The following ASPA variants were observed in gnomAD, a reference collection of about 807,000 sequenced individuals.
The protein encoded by ASPA is ACY-2.
A neutral mutation model predicts 29.6 loss-of-function variants in ASPA; 25 were observed. That is an observed-to-expected ratio of 0.85 (90% CI 0.62 to 1.18). The LOEUF is 1.18. Among genes scored for constraint, ASPA ranks in the 50% most tolerant of loss-of-function variants. The pLI, the probability that ASPA is intolerant of heterozygous loss-of-function variation, is 0.00. For missense variants in ASPA, 333 were observed against 385.7 expected (o/e 0.86, Z 1.14); for synonymous variants, 131 against 130.3 (o/e 1.01, Z -0.04).
At chr17:3,474,628 T>C (rs1161943222), upstream of ASPA, among the ~76,000 whole-genome samples, 2 of 152,240 alleles carry the variant, frequency 1.3e-5, no homozygotes, top group Admixed American at 6.5e-5. Flanking sequence ...AGATTTGATG[T>C]GGTTATTTTG....
intron 1 of ASPA, among the ~76,000 whole-genome samples, chr17:3,480,825 G>T (rs1331346308): frequency 6.6e-6 from 1 of 152,240 alleles, no homozygotes; most frequent in African/African-American, 2.4e-5. Flanking sequence ...AACAAGGATA[G>T]CTTGGAGATT....
chr17:3,488,292 A>C lies in ASPA; in HGVS notation c.527-943A>C, dbSNP rs2073762557. On this transcript the variant is annotated intron_variant, in intron 3 of 5. Transcript: ENST00000263080. The surrounding 1 kb of genome is among the most constrained non-coding windows in gnomAD (Gnocchi z 6.1). ...AGGATGGATGCTTAACAGCCACACAAAGTAGACCTAATAGTACAGGCATCA... is the reference window on the plus strand; with the variant it reads ...AGGATGGATGCTTAACAGCCACACACAGTAGACCTAATAGTACAGGCATCA... Among the ~76,000 whole-genome samples the C allele has an allele frequency of 1.3e-5, 2 of 152,232 alleles. No homozygotes were observed.
chr17:3,501,118 C>A lies in ASPA; in HGVS notation c.*2030C>A, dbSNP rs1452611560. 6.6e-6 allele frequency: 1 copy of A among 151,614 alleles called. No homozygotes were observed. Among genetic ancestry groups the A allele is most frequent in the African/African-American group, 2.4e-5 (1 of 41,202 alleles). 9.4% of individuals were successfully genotyped at this position (151,614 alleles called of 1,614,324 possible). On this transcript the variant is annotated 3_prime_UTR_variant, in exon 6 of 6. Coordinates refer to ENST00000263080, the MANE Select transcript of ASPA (RefSeq NM_000049.4). ...GCGTCATTGTGACTTTCAAATCTAACTATTTAAGAAATACATTTCAGGCTG... is the reference window on the plus strand; with the variant it reads ...GCGTCATTGTGACTTTCAAATCTAAATATTTAAGAAATACATTTCAGGCTG...
intron 4 of ASPA, 105 bp from the exon 5 acceptor site, chr17:3,494,245 C>A (rs2073873478): frequency 2.5e-6 from 2 of 799,246 alleles, no homozygotes; most frequent in South Asian, 1.3e-5. Context: ...CTCAGGTGAT[C>A]CACCCAACTC....
In ASPA at chr17:3,485,909, C is replaced by T. The variant is rs1174641037; in HGVS notation, c.526+2317C>T. On this transcript the variant is annotated intron_variant, in intron 3 of 5. Transcript: ENST00000263080. This position sits in a 1 kb window ranked among gnomAD's most constrained non-coding sequence, Gnocchi z 4.4. ...AGAGCCAGATGGCAGCTATCCATGC[C>T]AGTGGTTGCATTCTAGGAGGGAACC... Among the ~76,000 whole-genome samples, 4 of 151,090 alleles carry T rather than the reference C, an allele frequency of 2.6e-5. No homozygotes were observed. Among genetic ancestry groups the T allele is most frequent in the African/African-American group, 9.7e-5 (4 of 41,100 alleles).
chr17:3,475,916 T>G, upstream of ASPA: 1 of 530,544 alleles, frequency 1.9e-6, no homozygotes, highest in East Asian at 3.3e-5. Context: ...AACAGCTGTA[T>G]CTCTAGTTGA....
At chr17:3,480,945 CTG>C (rs918818973) in intron 1 of ASPA, among the ~76,000 whole-genome samples, 3 of 151,822 alleles carry the variant, frequency 2.0e-5, no homozygotes, top group Non-Finnish European at 4.4e-5. Context: ...CAGAGCAAGA[CTG>C]TATCTCCACA....
Position 3,476,273 on chromosome 17 carries a change from C to T in ASPA, c.114C>T (p.Gly38=), listed in dbSNP as rs767049011. The T allele has an allele frequency of 1.4e-5, 22 of 1,614,118 alleles. No individual in the cohort carries two copies. The South Asian group carries it at 2.0e-4, about 14-fold the overall frequency. The change falls in exon 1 of 6, where the codon GGC becomes GGT. Residue 38 remains glycine, a synonymous_variant. Coordinates refer to ENST00000263080, the MANE Select transcript of ASPA (RefSeq NM_000049.4). ...VFLVKHWLEN[G]AEIQRTGLEV... ...TGGTTAAGCATTGGCTAGAGAATGGCGCTGAGATTCAGAGAACAGGGCTGG... is the reference window on the plus strand; with the variant it reads ...TGGTTAAGCATTGGCTAGAGAATGGTGCTGAGATTCAGAGAACAGGGCTGG...
At chr17:3,482,782 T>C (rs1256071412) in intron 2 of ASPA, among the ~76,000 whole-genome samples, 1 of 151,664 alleles carries the variant, frequency 6.6e-6, no homozygotes, top group Non-Finnish European at 1.5e-5. Flanking sequence ...TTTTTTTTAA[T>C]TTTTTTTAAA....
chr17:3,483,612 G>A lies in ASPA; in HGVS notation c.526+20G>A, dbSNP rs1171212721. On this transcript the variant is annotated intron_variant, in intron 3 of 5. Transcript: ENST00000263080. ...CTGTGGGTAAGTCATAGTTCCCACT[G>A]TCATAACTCAATAAAATATGTCCTA... is the stretch of plus-strand genomic sequence containing the variant. 1 of 1,571,556 alleles carries A rather than the reference G, an allele frequency of 6.4e-7. No individual in the cohort carries two copies. Among genetic ancestry groups the A allele is most frequent in the East Asian group, 2.2e-5 (1 of 44,692 alleles).
Position 3,494,386 on chromosome 17 carries a change from A to C in ASPA, c.671A>C (p.Lys224Thr), listed in dbSNP as rs751242787. Residue 224 changes from lysine to threonine, a missense_variant, in exon 5 of 6, where the codon AAA becomes ACA. Transcript: ENST00000263080. ...EFPPCAIEVY[K>T]IIEKVDYPRD... ...CCTCCCTGCGCCATTGAGGTCTATA[A>C]AATTATAGAGAAAGTTGATTACCCC... 10 of 1,613,162 alleles carry C rather than the reference A, an allele frequency of 6.2e-6. No individual in the cohort carries two copies. Among genetic ancestry groups the C allele is most frequent in the Non-Finnish European group, 8.5e-6 (10 of 1,179,072 alleles).
intron 1 of ASPA, 104 bp from the exon 2 acceptor site, chr17:3,481,499 A>G: frequency 9.5e-6 from 10 of 1,051,662 alleles, no homozygotes; most frequent in Non-Finnish European, 1.4e-5. Context: ...GATTTTTCAT[A>G]TTAAAGATTT....
At chr17:3,484,665 T>C (rs1567612683) in intron 3 of ASPA, among the ~76,000 whole-genome samples, 1 of 152,242 alleles carries the variant, frequency 6.6e-6, no homozygotes, top group Non-Finnish European at 1.5e-5. Context: ...AATGGATTTC[T>C]AGAAAAACGA....
chr17:3,476,491 T>A (rs751276372), intron 1 of ASPA, 96 bp downstream of exon 1: 69 of 1,152,042 alleles, frequency 6.0e-5, no homozygotes, highest in Non-Finnish European at 8.3e-5. Flanking sequence ...AGATGATAAT[T>A]CATGTCCGTA....
intron 3 of ASPA, among the ~76,000 whole-genome samples, chr17:3,486,458 C>T (rs2073723750): frequency 6.6e-6 from 1 of 152,174 alleles, no homozygotes; most frequent in Non-Finnish European, 1.5e-5. Flanking sequence ...ATAGACATTT[C>T]ACGAGCTGTT....
In ASPA at chr17:3,498,998, T is replaced by G; in HGVS notation, c.852T>G (p.Asn284Lys). 1 of 1,614,230 alleles carries G rather than the reference T, an allele frequency of 6.2e-7. No homozygotes were observed. The highest frequency in any genetic ancestry group is 8.5e-7 in the Non-Finnish European group (1 of 1,180,038). ...GDCTVYPVFV[N>K]EAAYYEKKEA... ...GTACCGTGTACCCCGTGTTTGTGAATGAGGCCGCATATTACGAAAAGAAAG... is the reference window on the plus strand; with the variant it reads ...GTACCGTGTACCCCGTGTTTGTGAAGGAGGCCGCATATTACGAAAAGAAAG... Residue 284 changes from asparagine to lysine, a missense_variant, in exon 6 of 6, where the codon AAT becomes AAG. Transcript: ENST00000263080.
At chr17:3,486,448 A>G (rs1308499036) in intron 3 of ASPA, among the ~76,000 whole-genome samples, 1 of 152,194 alleles carries the variant, frequency 6.6e-6, no homozygotes, top group African/African-American at 2.4e-5. Flanking sequence ...CTGCTTTGCA[A>G]TAGACATTTC....
At position 3,499,163 on chromosome 17, in the gene ASPA, T is replaced by C; in HGVS notation, c.*75T>C. Reference sequence around the variant, plus strand: ...TCTGTAAGCTCCTTAAGAGTAGGGTTGTGCCTTATTCAACTGCATACATAG... The same window carrying C: ...TCTGTAAGCTCCTTAAGAGTAGGGTCGTGCCTTATTCAACTGCATACATAG... On this transcript the variant is annotated 3_prime_UTR_variant, in exon 6 of 6. Transcript: ENST00000263080. 1 of 1,512,242 alleles carries C rather than the reference T, an allele frequency of 6.6e-7. No individual in the cohort carries two copies. The highest frequency in any genetic ancestry group is 1.2e-5 in the South Asian group (1 of 83,966). 93.7% of individuals were successfully genotyped at this position (1,512,242 alleles called of 1,614,324 possible).
At chr17:3,475,903 G>C (rs2150741415), upstream of ASPA, 1 of 501,208 alleles carries the variant, frequency 2.0e-6, no homozygotes, top group Middle Eastern at 5.5e-4. Flanking sequence ...AGAAGTTAAA[G>C]TAAACAGCTG....
Sources: allele counts gnomAD v4.1 joint callset (sites outside exome capture counted in the v4.1 genomes callset), GRCh38; gene constraint gnomAD v4.1.1; non-coding constraint Gnocchi (gnomAD v3.1); transcripts MANE v1.5; gene names NCBI Gene and HGNC (gene_info 2026-07-23, HGNC 2026-07-21).